Variants in BMPR1B observed in about 807,000 individuals in gnomAD.
BMPR1B encodes the protein bone morphogenetic protein receptor type-1B.
A neutral mutation model predicts 59.1 loss-of-function variants in BMPR1B; 12 were observed. The ratio of observed to expected loss-of-function variants is 0.20; its 90% CI spans 0.13 to 0.33. The LOEUF (loss-of-function observed/expected upper bound fraction) is 0.33. Among genes scored for constraint, BMPR1B ranks in the 10% least tolerant of loss-of-function variants. The pLI, the probability that BMPR1B is intolerant of heterozygous loss-of-function variation, is 1.00. For missense variants in BMPR1B, 550 were observed against 610.9 expected (o/e 0.90, Z 1.05); for synonymous variants, 237 against 207.3 (o/e 1.14, Z -1.23).
chr4:94,873,486 A>G (rs1014891182), intron 1 of BMPR1B, among the ~76,000 whole-genome samples: 1 of 149,942 alleles, frequency 6.7e-6, no homozygotes, highest in African/African-American at 2.5e-5. Flanking sequence ...GGCTCACTGC[A>G]ACTTCTGCCT....
chr4:94,900,338 CAA>C (rs34541975), intron 2 of BMPR1B, among the ~76,000 whole-genome samples: 85 of 110,152 alleles, frequency 7.7e-4, no homozygotes, highest in Non-Finnish European at 8.3e-4. Flanking sequence ...AAGTGGCCAG[CAA>C]AAAAAAAAAA....
intron 3 of BMPR1B, among the ~76,000 whole-genome samples, chr4:95,024,414 G>C (rs544677693): frequency 1.3e-5 from 2 of 152,266 alleles, no homozygotes; most frequent in South Asian, 4.1e-4. Context: ...ACCTAGGTCA[G>C]TTGTTAAGAA....
At chr4:94,974,174 T>C (rs954356370) in intron 2 of BMPR1B, among the ~76,000 whole-genome samples, 3 of 152,206 alleles carry the variant, frequency 2.0e-5, no homozygotes, top group African/African-American at 7.2e-5. Flanking sequence ...TGGCTGTGGT[T>C]GTCTTCTGTG....
intron 6 of BMPR1B, among the ~76,000 whole-genome samples, chr4:95,121,242 AAGG>A (rs1732504435): frequency 6.6e-6 from 1 of 152,220 alleles, no homozygotes; most frequent in Admixed American, 6.5e-5. Context: ...AGACCTCTAC[AAGG>A]AGAACTACAA....
chr4:94,776,138 A>G (rs1162432222), intron 1 of BMPR1B, among the ~76,000 whole-genome samples: 2 of 151,754 alleles, frequency 1.3e-5, no homozygotes, highest in Non-Finnish European at 2.9e-5. Flanking sequence ...TTTCTTGGAA[A>G]GTCTTAAGGT....
chr4:95,109,791 T>C (rs1281593635), intron 4 of BMPR1B, among the ~76,000 whole-genome samples: 2 of 151,580 alleles, frequency 1.3e-5, no homozygotes, highest in African/African-American at 2.4e-5. Context: ...ACATGTGCCA[T>C]GTTGGTGTGC....
intron 2 of BMPR1B, among the ~76,000 whole-genome samples, chr4:94,932,954 A>G (rs908070735): frequency 6.6e-6 from 1 of 152,102 alleles, no homozygotes; most frequent in African/African-American, 2.4e-5. Context: ...TATAGTAGCT[A>G]CAATAGCTTC....
At chr4:95,088,233 C>G (rs1292429638) in intron 3 of BMPR1B, among the ~76,000 whole-genome samples, 1 of 152,056 alleles carries the variant, frequency 6.6e-6, no homozygotes, top group Non-Finnish European at 1.5e-5. Context: ...ATAATAGCTC[C>G]TGAAGTGAGT....
intron 2 of BMPR1B, among the ~76,000 whole-genome samples, chr4:94,885,204 C>A (rs560636366): frequency 1.3e-5 from 2 of 152,270 alleles, no homozygotes; most frequent in Non-Finnish European, 2.9e-5. Context: ...GACTCATGAG[C>A]AATTAATGTT....
At chr4:95,150,860 C>T (rs1242010015) in intron 11 of BMPR1B, among the ~76,000 whole-genome samples, 1 of 152,142 alleles carries the variant, frequency 6.6e-6, no homozygotes, top group African/African-American at 2.4e-5. Context: ...CAAGTTTCCT[C>T]ATCTGAGTAG....
chr4:94,922,488 T>A (rs970154390), intron 2 of BMPR1B, among the ~76,000 whole-genome samples: 1 of 152,174 alleles, frequency 6.6e-6, no homozygotes, highest in African/African-American at 2.4e-5. Flanking sequence ...ACTACAGAAA[T>A]TAATTTCAAT....
intron 1 of BMPR1B, among the ~76,000 whole-genome samples, chr4:94,830,157 A>T (rs999266388): frequency 1.1e-4 from 17 of 152,142 alleles, no homozygotes; most frequent in Non-Finnish European, 2.4e-4. Context: ...GTTACAGTAA[A>T]TTTTCTTAGA....
At chr4:94,914,320 C>A (rs1485076711) in intron 2 of BMPR1B, among the ~76,000 whole-genome samples, 2 of 152,104 alleles carry the variant, frequency 1.3e-5, no homozygotes, top group Non-Finnish European at 2.9e-5. Context: ...ACGGGTGAAG[C>A]AAATGAGTTT....
chr4:94,877,292 C>T (rs915355684), intron 2 of BMPR1B, among the ~76,000 whole-genome samples: 2 of 152,170 alleles, frequency 1.3e-5, no homozygotes, highest in Non-Finnish European at 2.9e-5. Flanking sequence ...CATCAGGAAC[C>T]TTCCTACCAG....
chr4:95,138,939 C>T (rs983540347), intron 10 of BMPR1B, among the ~76,000 whole-genome samples: 2 of 152,184 alleles, frequency 1.3e-5, no homozygotes, highest in Non-Finnish European at 2.9e-5. Context: ...CTCCGTGCAG[C>T]TTTGTTCCAT....
chr4:95,156,964 AG>A lies in BMPR1B; in HGVS notation c.*2292del, dbSNP rs1377024437. ...GTTTCTTGGGTTTTTCCTAAATTTAAGTGAGGTTGGGCTTACCTTGTAGATA... is the reference window on the plus strand; with the variant it reads ...GTTTCTTGGGTTTTTCCTAAATTTAATGAGGTTGGGCTTACCTTGTAGATA... On this transcript the variant is annotated 3_prime_UTR_variant, in exon 13 of 13. Transcript: ENST00000515059. 6.6e-6 allele frequency: 1 copy of A among 152,114 alleles called. No homozygotes were observed. The highest frequency in any genetic ancestry group is 1.5e-5 in the Non-Finnish European group (1 of 67,994). The allele number at this position is 152,114 out of a possible 1,614,324, so 9.4% of individuals were successfully genotyped here.
intron 2 of BMPR1B, among the ~76,000 whole-genome samples, chr4:94,916,061 A>AC (rs1313988193): frequency 6.6e-6 from 1 of 152,188 alleles, no homozygotes; most frequent in African/African-American, 2.4e-5. Flanking sequence ...CAAGTGCCAG[A>AC]CCCACACTTT....
At chr4:95,059,477 T>C (rs55810817) in intron 3 of BMPR1B, among the ~76,000 whole-genome samples, 2,103 of 152,238 alleles carry the variant, frequency 0.014, 52 homozygotes, top group African/African-American at 0.048. Flanking sequence ...TCATGTGATT[T>C]TATAGGCACA....
intron 1 of BMPR1B, among the ~76,000 whole-genome samples, chr4:94,762,011 G>C (rs1721792522): frequency 6.6e-6 from 1 of 152,096 alleles, no homozygotes; most frequent in African/African-American, 2.4e-5. Flanking sequence ...AGATTTAGGA[G>C]TAGACAAAAA....
Sources: allele counts gnomAD v4.1 joint callset (sites outside exome capture counted in the v4.1 genomes callset), GRCh38; gene constraint gnomAD v4.1.1; transcripts MANE v1.5; gene names NCBI Gene and HGNC (gene_info 2026-07-23, HGNC 2026-07-21).